GALNT16: variants seen among roughly 807,000 people sequenced by gnomAD.
The protein encoded by GALNT16 is polypeptide N-acetylgalactosaminyltransferase 16, also known as UDP-GalNAc:polypeptide N-acetylgalactosaminyltransferase-like protein 1.
GALNT16 carries 40 observed loss-of-function variants against 76.1 expected under a neutral mutation model. The ratio of observed to expected loss-of-function variants is 0.53; its 90% confidence interval spans 0.41 to 0.68. GALNT16 has a LOEUF of 0.68. Ranked by LOEUF, GALNT16 falls within the 30% of genes least tolerant of loss-of-function variation. The probability of loss-of-function intolerance (pLI) is 0.00; values close to 1 mark genes in which losing one functional copy is unlikely to be tolerated. For missense variants in GALNT16, 621 were observed against 731.9 expected (o/e 0.85, Z 1.75); for synonymous variants, 276 against 285.2 (o/e 0.97, Z 0.32).
chr14:69,377,835 A>T, the GALNT16 span, among the ~76,000 whole-genome samples: 285 of 125,242 alleles, frequency 2.3e-3, 3 homozygotes, highest in African/African-American at 8.8e-3. Flanking sequence ...AAAAAAAAAA[A>T]GAACATGAAC....
intron 1 of GALNT16, among the ~76,000 whole-genome samples, chr14:69,292,298 G>A (rs1005393721): frequency 6.6e-6 from 1 of 152,226 alleles, no homozygotes; most frequent in Non-Finnish European, 1.5e-5. Context: ...AGTGCTCTTA[G>A]CTGGCATGCT....
chr14:69,368,582 C>T, the GALNT16 span, among the ~76,000 whole-genome samples: 6 of 152,182 alleles, frequency 3.9e-5, no homozygotes, highest in African/African-American at 1.2e-4. Flanking sequence ...AGTGAGATCT[C>T]ATTACTTCTG....
At chr14:69,301,571 C>G (rs1403092731) in intron 1 of GALNT16, among the ~76,000 whole-genome samples, 1 of 152,116 alleles carries the variant, frequency 6.6e-6, no homozygotes, top group Non-Finnish European at 1.5e-5. Context: ...CCAGGCTGAT[C>G]TCAGAGACTC....
chr14:69,352,309 G>A lies in GALNT16; in HGVS notation c.*141G>A, dbSNP rs912037852. The A allele has an allele frequency of 1.3e-5, 10 of 782,988 alleles. No homozygotes were observed. Among genetic ancestry groups the A allele is most frequent in the Non-Finnish European group, 1.8e-5 (9 of 503,840 alleles). 48.5% of individuals were successfully genotyped at this position (782,988 alleles called of 1,614,324 possible). On this transcript the variant is annotated 3_prime_UTR_variant, in exon 15 of 15. Transcript: ENST00000448469. The stretch of plus-strand genomic sequence containing the variant: ...TCAGCAAATACCCACCATGACACAC[G>A]TTCTCCAAAGCTTGTTCTAGGAGGG...
chr14:69,327,602 C>G (rs1024675250), intron 5 of GALNT16, among the ~76,000 whole-genome samples: 2 of 152,130 alleles, frequency 1.3e-5, no homozygotes, highest in Non-Finnish European at 2.9e-5. Flanking sequence ...GGCTGGCTGG[C>G]GGGCTGGTAG....
chr14:69,335,004 G>A (rs566080676), intron 9 of GALNT16, among the ~76,000 whole-genome samples: 1 of 152,208 alleles, frequency 6.6e-6, no homozygotes, highest in African/African-American at 2.4e-5. Context: ...AGCACTGGTG[G>A]TATCTCACCC....
chr14:69,299,485 C>T (rs2044817207), intron 1 of GALNT16, among the ~76,000 whole-genome samples: 1 of 152,212 alleles, frequency 6.6e-6, no homozygotes, highest in African/African-American at 2.4e-5. Flanking sequence ...AAGACTGTGG[C>T]TGACCTCCGG....
chr14:69,382,773 T>C, the GALNT16 span, among the ~76,000 whole-genome samples: 1 of 145,308 alleles, frequency 6.9e-6, no homozygotes, highest in Non-Finnish European at 1.5e-5. Context: ...CTGGCGACAG[T>C]GCAAGACTCT....
chr14:69,381,958 T>C, the GALNT16 span, among the ~76,000 whole-genome samples: 86,954 of 152,156 alleles, frequency 0.57, 25,803 homozygotes, highest in African/African-American at 0.73. Context: ...CCCAAAGTGC[T>C]GGGATTACAG....
At chr14:69,278,278 G>A (rs1594815709) in intron 1 of GALNT16, among the ~76,000 whole-genome samples, 1 of 152,068 alleles carries the variant, frequency 6.6e-6, no homozygotes. Flanking sequence ...CAAAGTCCTA[G>A]GATTACAGGC....
At chr14:69,328,030 C>A (rs898304419) in intron 5 of GALNT16, among the ~76,000 whole-genome samples, 9 of 152,220 alleles carry the variant, frequency 5.9e-5, no homozygotes, top group African/African-American at 2.2e-4. Flanking sequence ...AAACTTAAGC[C>A]TATCTTAGTC....
chr14:69,361,553 A>G (rs1278904394), downstream of GALNT16, among the ~76,000 whole-genome samples: 1 of 152,236 alleles, frequency 6.6e-6, no homozygotes, highest in Non-Finnish European at 1.5e-5. Context: ...ACTTGAGGAC[A>G]CTGAGGCCCT....
chr14:69,317,250 A>C (rs756486994), intron 1 of GALNT16, among the ~76,000 whole-genome samples: 3 of 152,208 alleles, frequency 2.0e-5, no homozygotes, highest in Non-Finnish European at 2.9e-5. Context: ...ACATGGATGG[A>C]ATGCAGGCTA....
chr14:69,288,396 C>T (rs538710999), intron 1 of GALNT16, among the ~76,000 whole-genome samples: 2 of 151,372 alleles, frequency 1.3e-5, no homozygotes, highest in Non-Finnish European at 2.9e-5. Flanking sequence ...AGCAAAGAAA[C>T]CTCTGATGCA....
At chr14:69,267,187 C>CCTG (rs2140099569) in intron 1 of GALNT16, among the ~76,000 whole-genome samples, 1 of 152,280 alleles carries the variant, frequency 6.6e-6, no homozygotes, top group African/African-American at 2.4e-5. Flanking sequence ...CCCTGGCCTG[C>CCTG]CTGTCTCCCC....
At chr14:69,339,279 T>C (rs1383724690) in intron 10 of GALNT16, among the ~76,000 whole-genome samples, 1 of 152,140 alleles carries the variant, frequency 6.6e-6, no homozygotes, top group Non-Finnish European at 1.5e-5. Flanking sequence ...TTCTTCACCT[T>C]GTCGAGCTCA....
intron 1 of GALNT16, among the ~76,000 whole-genome samples, chr14:69,265,374 G>A (rs902364662): frequency 2.0e-5 from 3 of 152,304 alleles, no homozygotes; most frequent in South Asian, 2.1e-4. Context: ...GAGCTGCTCC[G>A]AGATCTTTGG....
chr14:69,343,997 C>T (rs1192624531), intron 12 of GALNT16, among the ~76,000 whole-genome samples: 1 of 152,234 alleles, frequency 6.6e-6, no homozygotes, highest in Admixed American at 6.5e-5. Flanking sequence ...CTGGATTACT[C>T]ACCCCCAGTT....
intron 1 of GALNT16, among the ~76,000 whole-genome samples, chr14:69,301,584 C>T (rs1393908922): frequency 6.6e-6 from 1 of 152,146 alleles, no homozygotes; most frequent in African/African-American, 2.4e-5. Flanking sequence ...AGAGACTCGC[C>T]TGCCTCAGCC....
Sources: allele counts gnomAD v4.1 joint callset (sites outside exome capture counted in the v4.1 genomes callset), GRCh38; gene constraint gnomAD v4.1.1; transcripts MANE v1.5; gene names NCBI Gene and HGNC (gene_info 2026-07-23, HGNC 2026-07-21).